SCAP: variants seen among roughly 807,000 people sequenced by gnomAD.
SCAP encodes SREBF chaperone.
SCAP carries 65 observed loss-of-function variants against 123.6 expected under a neutral mutation model. The ratio of observed to expected loss-of-function variants is 0.53; its 90% confidence interval spans 0.43 to 0.65. SCAP has a LOEUF of 0.65. Among genes scored for constraint, SCAP ranks in the 30% least tolerant of loss-of-function variants. The pLI, the probability that SCAP is intolerant of heterozygous loss-of-function variation, is 0.00. For missense variants in SCAP, 1,398 were observed against 1,712.5 expected (o/e 0.82, Z 3.24); for synonymous variants, 740 against 726.3 (o/e 1.02, Z -0.30).
Position 47,427,236 on chromosome 3 carries a change from A to T in SCAP, c.658T>A (p.Tyr220Asn). 1 of 1,613,654 alleles carries T rather than the reference A, an allele frequency of 6.2e-7. No individual in the cohort carries two copies. ...CTGGTGTAGAGGCTCACCCCGCTGTACTTCCCAGGAACACCAAATAACAAG... is the reference window on the plus strand; with the variant it reads ...CTGGTGTAGAGGCTCACCCCGCTGTTCTTCCCAGGAACACCAAATAACAAG... ...KDLLFGVPGK[Y>N]SGVSLYTRKR... The change falls in exon 6 of 23, where the codon TAC becomes AAC. Residue 220 changes from tyrosine (Y) to asparagine (N), a missense_variant. By Grantham distance (143) the Tyr-to-Asn change is moderately radical. Transcript: ENST00000265565.
In SCAP at chr3:47,419,763, A is replaced by C; in HGVS notation, c.1564-59T>G. 1 of 1,500,540 alleles carries C rather than the reference A, an allele frequency of 6.7e-7. No individual in the cohort carries two copies. The highest frequency in any genetic ancestry group is 8.9e-7 in the Non-Finnish European group (1 of 1,124,642). The allele number at this position is 1,500,540 out of a possible 1,614,324, so 93.0% of individuals were successfully genotyped here. A position where few individuals can be genotyped will look rare whatever the true frequency, so the allele number is the denominator to read the frequency against. On this transcript the variant is annotated intron_variant, in intron 12 of 22. Coordinates refer to ENST00000265565, the MANE Select transcript of SCAP (RefSeq NM_012235.4). The surrounding 1 kb of genome is among the most constrained non-coding windows in gnomAD (Gnocchi z 5.0). The stretch of plus-strand genomic sequence containing the variant: ...ATGGGCCCCAACCCCCAGCAGCTTC[A>C]GCCCTCATGCTGAGAGGAAGCAGCA...
rs761062735 is a variant in SCAP, at chr3:47,417,843, C to T, written c.2448-17G>A. 3.0e-5 allele frequency: 33 copies of T among 1,100,794 alleles called. No homozygotes were observed. The highest frequency in any genetic ancestry group is 1.2e-4 in the African/African-American group (4 of 32,706). 68.2% of individuals were successfully genotyped at this position (1,100,794 alleles called of 1,614,324 possible). ...CGCTGCCTGCTGGGGGCCAGGAGGG[C>T]GGAGTGAGAGGGGGCACGGGGGAGG... is the stretch of plus-strand genomic sequence containing the variant. On this transcript the variant is annotated splice_polypyrimidine_tract_variant and intron_variant, in intron 16 of 22. Transcript: ENST00000265565.
chr3:47,472,941 G>A (rs372307441), intron 1 of SCAP, among the ~76,000 whole-genome samples: 12 of 151,872 alleles, frequency 7.9e-5, no homozygotes, highest in African/African-American at 2.4e-4. Flanking sequence ...TTAGCCAGGC[G>A]TGGTAGTGCA....
intron 2 of SCAP, among the ~76,000 whole-genome samples, chr3:47,442,155 G>C (rs1706833160): frequency 6.6e-6 from 1 of 152,116 alleles, no homozygotes; most frequent in Admixed American, 6.6e-5. Flanking sequence ...CTGAAGAACA[G>C]AATTCTTTCC....
At chr3:47,418,018 G>A (rs1576249608) in intron 16 of SCAP, 116 bp downstream of exon 16, 2 of 605,688 alleles carry the variant, frequency 3.3e-6, no homozygotes, top group Middle Eastern at 4.4e-4. Context: ...GGGAGAGGGG[G>A]CCTGGAGGGG....
At chr3:47,466,377 T>A (rs1707830952) in intron 1 of SCAP, among the ~76,000 whole-genome samples, 1 of 152,198 alleles carries the variant, frequency 6.6e-6, no homozygotes, top group African/African-American at 2.4e-5. Context: ...GTATGATACC[T>A]GGGTGTTTCA....
chr3:47,460,475 C>G (rs1387841031), intron 1 of SCAP, among the ~76,000 whole-genome samples: 1 of 152,226 alleles, frequency 6.6e-6, no homozygotes, highest in Non-Finnish European at 1.5e-5. Context: ...TTATGTTCCT[C>G]TGCCGCGGCT....
intron 1 of SCAP, among the ~76,000 whole-genome samples, chr3:47,458,834 T>C (rs1297330239): frequency 6.6e-6 from 1 of 152,214 alleles, no homozygotes; most frequent in Non-Finnish European, 1.5e-5. Flanking sequence ...AGACAGAGTT[T>C]TGCTCTTGTT....
chr3:47,414,709 G>C (rs1705486361), intron 20 of SCAP, 57 bp from the exon 21 acceptor site: 2 of 1,611,084 alleles, frequency 1.2e-6, no homozygotes, highest in African/African-American at 2.7e-5. Flanking sequence ...GTTATACTTT[G>C]GCTGGGAAAT....
chr3:47,473,090 A>AAAAAAAAAAC (rs1708126237), intron 1 of SCAP, among the ~76,000 whole-genome samples: 1 of 146,282 alleles, frequency 6.8e-6, no homozygotes, highest in Non-Finnish European at 1.5e-5. Context: ...CAAAAAAAAA[A>AAAAAAAAAAC]AAAAAAAAAC....
At chr3:47,475,040 G>A (rs998468378) in intron 1 of SCAP, among the ~76,000 whole-genome samples, 2 of 152,166 alleles carry the variant, frequency 1.3e-5, no homozygotes, top group Non-Finnish European at 2.9e-5. Flanking sequence ...TTCACGATAA[G>A]TATTACAAAA....
chr3:47,422,147 CACT>C lies in SCAP; in HGVS notation c.1245+292_1245+294del, dbSNP rs1705930563. Reference sequence around the variant, plus strand: ...CCATGCCCTTGCAGCCTCCTCCTGCCACTTGGCTGAAAGGGAAGCAGGCAGGGA... The same window carrying C: ...CCATGCCCTTGCAGCCTCCTCCTGCCTGGCTGAAAGGGAAGCAGGCAGGGA... On this transcript the variant is annotated intron_variant, in intron 10 of 22. Coordinates refer to ENST00000265565, the MANE Select transcript of SCAP (RefSeq NM_012235.4). 3.3e-5 allele frequency among the ~76,000 whole-genome samples: 5 copies of C among 152,410 alleles called. No individual in the cohort carries two copies. In the South Asian group the frequency reaches 1.0e-3, roughly 32 times the overall value.
At chr3:47,447,533 C>A (rs550676601) in intron 1 of SCAP, among the ~76,000 whole-genome samples, 15 of 151,466 alleles carry the variant, frequency 9.9e-5, no homozygotes, top group African/African-American at 3.6e-4. Context: ...ACTAAAAATA[C>A]CAAAATTGGC....
chr3:47,454,879 G>A (rs1272659776), intron 1 of SCAP, among the ~76,000 whole-genome samples: 3 of 151,498 alleles, frequency 2.0e-5, no homozygotes, highest in African/African-American at 4.8e-5. Context: ...TCTCACTAAC[G>A]TCAGGGGCCA....
intron 1 of SCAP, among the ~76,000 whole-genome samples, chr3:47,458,082 G>A (rs1707494421): frequency 6.6e-6 from 1 of 152,192 alleles, no homozygotes; most frequent in Admixed American, 6.5e-5. Context: ...GAGGTCTGGA[G>A]TTCAAGACCA....
intron 1 of SCAP, among the ~76,000 whole-genome samples, chr3:47,462,074 T>C (rs1368052939): frequency 6.6e-6 from 1 of 152,114 alleles, no homozygotes; most frequent in Non-Finnish European, 1.5e-5. Context: ...ATGTTTACTA[T>C]AATCAGTGAC....
chr3:47,468,273 T>C (rs960356099), intron 1 of SCAP, among the ~76,000 whole-genome samples: 1 of 152,196 alleles, frequency 6.6e-6, no homozygotes, highest in Non-Finnish European at 1.5e-5. Flanking sequence ...TTTCTAGTTC[T>C]AGATCCTTGA....
In SCAP at chr3:47,418,252, G is replaced by A. The variant is rs1449021549; in HGVS notation, c.2332-3C>T. ...TCGCTGGCCAGGCACTCGATGTCCT[G>A]CAGAAGCCCGGTGTTGGTATGGGCC... is the stretch of plus-strand genomic sequence containing the variant. On this transcript the variant is annotated splice_polypyrimidine_tract_variant and splice_region_variant and intron_variant, in intron 15 of 22. Coordinates refer to ENST00000265565, the MANE Select transcript of SCAP (RefSeq NM_012235.4). The A allele has an allele frequency of 6.4e-7, 1 of 1,561,504 alleles. No homozygotes were observed. The highest frequency in any genetic ancestry group is 8.7e-7 in the Non-Finnish European group (1 of 1,153,238).
Position 47,419,185 on chromosome 3 carries a change from TA to T in SCAP, c.1940+142del. 8.4e-7 allele frequency: 1 copy of T among 1,184,250 alleles called. No homozygotes were observed. Among genetic ancestry groups the T allele is most frequent in the Non-Finnish European group, 1.2e-6 (1 of 866,578 alleles). 73.4% of individuals were successfully genotyped at this position (1,184,250 alleles called of 1,614,324 possible). On this transcript the variant is annotated intron_variant, in intron 13 of 22. Coordinates refer to ENST00000265565, the MANE Select transcript of SCAP (RefSeq NM_012235.4). The surrounding 1 kb of genome is among the most constrained non-coding windows in gnomAD (Gnocchi z 5.0). ...ACTCCTCTCTTGGGTTATAGCTGCCTAAACCACCAGTTCCCACCTCACAACC... is the reference window on the plus strand; with the variant it reads ...ACTCCTCTCTTGGGTTATAGCTGCCTAACCACCAGTTCCCACCTCACAACC...
Sources: allele counts gnomAD v4.1 joint callset (sites outside exome capture counted in the v4.1 genomes callset), GRCh38; gene constraint gnomAD v4.1.1; non-coding constraint Gnocchi (gnomAD v3.1); transcripts MANE v1.5; gene names NCBI Gene and HGNC (gene_info 2026-07-23, HGNC 2026-07-21).